SASH1: variants seen among roughly 807,000 people sequenced by gnomAD.
SASH1 encodes the protein SAM and SH3 domain containing 1.
Under a neutral mutation model 125.2 loss-of-function variants are expected in SASH1, and 44 were observed. That is an observed-to-expected ratio of 0.35 (90% CI 0.28 to 0.45). The LOEUF is 0.45. Ranked by LOEUF, SASH1 falls within the 20% of genes least tolerant of loss-of-function variation. The pLI is 1.00. For synonymous variants in SASH1, 639 were observed against 649.1 expected (o/e 0.98, Z 0.24); for missense variants, 1,426 against 1,614.5 (o/e 0.88, Z 2.00).
At chr6:148,497,659 A>G (rs573387771) in intron 8 of SASH1, among the ~76,000 whole-genome samples, 1 of 152,270 alleles carries the variant, frequency 6.6e-6, no homozygotes, top group Non-Finnish European at 1.5e-5. Flanking sequence ...TTAACATGGT[A>G]GTAATGGCTT....
chr6:148,477,335 C>G (rs1778408293), intron 7 of SASH1, among the ~76,000 whole-genome samples: 1 of 151,982 alleles, frequency 6.6e-6, no homozygotes, highest in Non-Finnish European at 1.5e-5. Flanking sequence ...GATTAATAAA[C>G]AATATATGTG....
intron 1 of SASH1, among the ~76,000 whole-genome samples, chr6:148,385,271 C>T (rs756044288): frequency 6.6e-6 from 1 of 152,086 alleles, no homozygotes; most frequent in Non-Finnish European, 1.5e-5. Flanking sequence ...TGCTCTTTTC[C>T]TCAGGAGCAA....
At chr6:148,386,497 A>G (rs535358495) in intron 1 of SASH1, among the ~76,000 whole-genome samples, 300 of 152,262 alleles carry the variant, frequency 2.0e-3, no homozygotes, top group African/African-American at 6.7e-3. Context: ...TAAGAGACAG[A>G]GAGAGTGATG....
chr6:148,491,177 C>T (rs1212911133), intron 8 of SASH1, among the ~76,000 whole-genome samples: 1 of 152,286 alleles, frequency 6.6e-6, no homozygotes. Context: ...AATAGTGACC[C>T]CCTTGGGCAA....
intron 1 of SASH1, among the ~76,000 whole-genome samples, chr6:148,324,829 A>G (rs902340060): frequency 6.6e-6 from 1 of 152,130 alleles, no homozygotes; most frequent in Non-Finnish European, 1.5e-5. Context: ...TTCTGGTCAA[A>G]CTAGGACGGC....
At chr6:148,407,193 G>A (rs1210368905) in intron 2 of SASH1, among the ~76,000 whole-genome samples, 1 of 152,026 alleles carries the variant, frequency 6.6e-6, no homozygotes, top group Non-Finnish European at 1.5e-5. Context: ...AGCTCTTTCC[G>A]TCCTGCAAAG....
chr6:148,496,869 T>G (rs943700857), intron 8 of SASH1, among the ~76,000 whole-genome samples: 2 of 150,778 alleles, frequency 1.3e-5, no homozygotes, highest in African/African-American at 4.9e-5. Flanking sequence ...CGAGACCCTG[T>G]CTCAAAAAAA....
the SASH1 span, among the ~76,000 whole-genome samples, chr6:148,261,457 G>A: frequency 6.6e-6 from 1 of 152,184 alleles, no homozygotes; most frequent in Non-Finnish European, 1.5e-5. Flanking sequence ...TGCAAACAGG[G>A]CAATTTATAT....
intron 18 of SASH1, among the ~76,000 whole-genome samples, chr6:148,545,033 A>G (rs993100130): frequency 6.6e-6 from 1 of 152,242 alleles, no homozygotes; most frequent in Admixed American, 6.5e-5. Flanking sequence ...GAGGTTAAAA[A>G]TAACCTGCAT....
the SASH1 span, among the ~76,000 whole-genome samples, chr6:148,198,466 A>T: frequency 6.6e-6 from 1 of 152,248 alleles, no homozygotes; most frequent in Non-Finnish European, 1.5e-5. Context: ...ACTTGGCAGC[A>T]TACTTCAGGT....
chr6:148,492,943 A>G (rs1235129430), intron 8 of SASH1, among the ~76,000 whole-genome samples: 1 of 152,212 alleles, frequency 6.6e-6, no homozygotes, highest in Non-Finnish European at 1.5e-5. Flanking sequence ...ACTTCTTACC[A>G]AACTATTTCT....
At chr6:148,307,029 TTTCTTTCTTTC>T (rs1158953388) in intron 1 of SASH1, among the ~76,000 whole-genome samples, 548 of 29,350 alleles carry the variant, frequency 0.019, 2 homozygotes, top group Middle Eastern at 0.069. Flanking sequence ...CTTTCTTTTC[TTTCTTTCTTTC>T]TTTCTTTCTT....
At chr6:148,346,472 G>C (rs1582995865) in intron 1 of SASH1, among the ~76,000 whole-genome samples, 1 of 135,114 alleles carries the variant, frequency 7.4e-6, no homozygotes, top group Non-Finnish European at 1.5e-5. Flanking sequence ...ATAGAATTAA[G>C]AGAAAACAAG....
intron 11 of SASH1, chr6:148,527,243 T>A (rs1365459046): frequency 1.5e-5 from 7 of 462,478 alleles, no homozygotes; most frequent in Non-Finnish European, 2.2e-5. Context: ...AAAAAGTGAC[T>A]CACATCCCAC....
At chr6:148,383,214 A>C (rs17078301) in intron 1 of SASH1, among the ~76,000 whole-genome samples, 5,185 of 152,258 alleles carry the variant, frequency 0.034, 230 homozygotes, top group East Asian at 0.19. Flanking sequence ...AGTGTTTATC[A>C]CCTTAAAAAT....
chr6:148,461,678 GCC>G, intron 4 of SASH1, among the ~76,000 whole-genome samples: 1 of 152,258 alleles, frequency 6.6e-6, no homozygotes, highest in East Asian at 1.9e-4. Context: ...CCAAGTCCTG[GCC>G]CTGTGGCTGG....
At chr6:148,540,610 GCA>G in intron 17 of SASH1, 54 bp downstream of exon 17, 2 of 1,361,738 alleles carry the variant, frequency 1.5e-6, no homozygotes, top group Non-Finnish European at 2.1e-6. Context: ...TGATTTCAAA[GCA>G]CAGTTTTCTG....
rs576080065 is a variant in SASH1 at position 148,374,949 on chromosome 6, G to A, written c.157-15185G>A. On this transcript the variant is annotated intron_variant, in intron 1 of 19. Transcript: ENST00000367467. ...TGGCCTCAAGTGATCTGCCTGCCTT[G>A]TCCTCCCAAAGTGCTGGGATTACAG... Among the ~76,000 whole-genome samples, 9 of 152,064 alleles carry A rather than the reference G, an allele frequency of 5.9e-5. No individual in the cohort carries two copies. In the East Asian group the frequency reaches 1.7e-3, roughly 30 times the overall value.
chr6:148,409,030 G>A (rs555055099), intron 2 of SASH1, among the ~76,000 whole-genome samples: 1 of 152,142 alleles, frequency 6.6e-6, no homozygotes, highest in Non-Finnish European at 1.5e-5. Flanking sequence ...CTCTAATGCC[G>A]CTTTCTCTGC....
Sources: gnomAD v4.1 joint callset for allele counts (sites outside exome capture counted in the v4.1 genomes callset) on GRCh38, gnomAD v4.1.1 for gene constraint, MANE v1.5 for transcripts, NCBI Gene and HGNC (gene_info 2026-07-23, HGNC 2026-07-21) for gene names.